The following BCAS3 variants were observed in gnomAD, a reference collection of about 807,000 sequenced individuals.
BCAS3 encodes BCAS4/BCAS3 fusion.
Under a neutral mutation model 116.1 loss-of-function variants are expected in BCAS3, and 53 were observed. The ratio of observed to expected loss-of-function variants is 0.46; its 90% CI spans 0.37 to 0.57. The LOEUF (loss-of-function observed/expected upper bound fraction) is 0.57, where lower values mean the gene tolerates loss of function less well. Among genes scored for constraint, BCAS3 ranks in the 20% least tolerant of loss-of-function variants. The probability of loss-of-function intolerance (pLI) is 0.00; values close to 1 mark genes in which losing one functional copy is unlikely to be tolerated. For synonymous variants in BCAS3, 391 were observed against 408.2 expected (o/e 0.96, Z 0.51); for missense variants, 917 against 1,165.4 (o/e 0.79, Z 3.10).
chr17:60,990,025 C>T lies in BCAS3; in HGVS notation c.1276C>T (p.Arg426Trp), dbSNP rs372103600. Residue 426 changes from arginine (R) to tryptophan (W), a missense_variant, in exon 15 of 24, where the codon CGG becomes TGG. Arg to Trp is a moderately radical substitution (Grantham distance 101). This residue lies in a region of BCAS3 where 807 missense variants were observed against 1,026.0 expected (regional missense o/e 0.79). Transcript: ENST00000407086. This position sits in a 1 kb window ranked among gnomAD's most constrained non-coding sequence, Gnocchi z 5.1. ...TCGCTGGGTTGTGGTCAGTACTCTC[C>T]GGGGTACTTCCCACGTTTTCCCCAT... Reference protein sequence around the residue: ...DCRWVVVSTLRGTSHVFPINP... With the variant: ...DCRWVVVSTLWGTSHVFPINP... The T allele has an allele frequency of 6.8e-6, 11 of 1,614,004 alleles. No individual in the cohort carries two copies. Among genetic ancestry groups the T allele is most frequent in the Non-Finnish European group, 8.5e-6 (10 of 1,179,984 alleles).
intron 22 of BCAS3, among the ~76,000 whole-genome samples, chr17:61,092,856 T>G (rs956799341): frequency 2.0e-5 from 3 of 151,956 alleles, no homozygotes. Flanking sequence ...TCATTGTTTT[T>G]TCCTTTTATG....
In BCAS3 at chr17:61,285,592, T is replaced by A. The variant is rs1217862600; in HGVS notation, c.2426-82735T>A. 6.6e-6 allele frequency among the ~76,000 whole-genome samples: 1 copy of A among 152,244 alleles called. No individual in the cohort carries two copies. The highest frequency in any genetic ancestry group is 6.5e-5 in the Admixed American group (1 of 15,284). ...TGAGCTGTGCTAGGCATAATTGAGA[T>A]GCATGGACTTTGTGTAAATAATGTA... On this transcript the variant is annotated intron_variant, in intron 22 of 23. Transcript: ENST00000407086. The surrounding 1 kb of genome is among the most constrained non-coding windows in gnomAD (Gnocchi z 5.4).
In BCAS3 at chr17:60,759,212, C is replaced by T. The variant is rs538233586; in HGVS notation, c.403+11933C>T. Among the ~76,000 whole-genome samples the T allele has an allele frequency of 9.9e-5, 15 of 152,232 alleles. No individual in the cohort carries two copies. In the East Asian group the frequency reaches 1.9e-3, roughly 20 times the overall value. On this transcript the variant is annotated intron_variant, in intron 6 of 23. Transcript: ENST00000407086. The stretch of plus-strand genomic sequence containing the variant: ...TGGAAGATTTCAGTTTCTAAAAATT[C>T]GTTGAAACTTATTTAATGGCCTTAT...
rs767840634 is a variant in BCAS3, at chr17:61,285,266, T to C, written c.2426-83061T>C. ...GTGTGTGTGTGTGTGTGTTTCTTGC[T>C]AAAATGCAGCAAAGGAAGGGGAAAC... On this transcript the variant is annotated intron_variant, in intron 22 of 23. Transcript: ENST00000407086. The surrounding 1 kb of genome is among the most constrained non-coding windows in gnomAD (Gnocchi z 5.4). Among the ~76,000 whole-genome samples, 22 of 152,090 alleles carry C rather than the reference T, an allele frequency of 1.4e-4. No individual in the cohort carries two copies. The highest frequency in any genetic ancestry group is 2.8e-4 in the Non-Finnish European group (19 of 68,024).
intron 15 of BCAS3, among the ~76,000 whole-genome samples, chr17:61,001,054 C>T (rs1361600905): frequency 6.6e-6 from 1 of 152,142 alleles, no homozygotes; most frequent in Non-Finnish European, 1.5e-5. Flanking sequence ...GGATTCACTT[C>T]TGCAGTTCTC....
intron 22 of BCAS3, among the ~76,000 whole-genome samples, chr17:61,135,140 A>G (rs1346144277): frequency 2.0e-5 from 3 of 152,216 alleles, no homozygotes; most frequent in African/African-American, 7.2e-5. Context: ...TGATAAGGCC[A>G]TTAGTATTAT....
At chr17:61,271,416 A>C in intron 22 of BCAS3, among the ~76,000 whole-genome samples, 1 of 22,068 alleles carries the variant, frequency 4.5e-5, no homozygotes, top group African/African-American at 1.2e-4. Flanking sequence ...GTAAGCCACC[A>C]TGCCCGGATT....
rs371306084 is a variant in BCAS3, at chr17:61,340,621, G to A, written c.2426-27706G>A. ...TGTGCTTTCCTCCCTGCTGTGAGTCGCTGCGGGGGACGGGGAGTGGGTAGA... is the reference window on the plus strand; with the variant it reads ...TGTGCTTTCCTCCCTGCTGTGAGTCACTGCGGGGGACGGGGAGTGGGTAGA... On this transcript the variant is annotated intron_variant, in intron 22 of 23. Transcript: ENST00000407086. 2.2e-4 allele frequency among the ~76,000 whole-genome samples: 33 copies of A among 152,266 alleles called. 1 individual carries two copies. The highest frequency in any genetic ancestry group is 6.3e-4 in the African/African-American group (26 of 41,546).
At chr17:60,975,948 T>C (rs2062317728) in intron 14 of BCAS3, among the ~76,000 whole-genome samples, 1 of 151,728 alleles carries the variant, frequency 6.6e-6, no homozygotes, top group African/African-American at 2.4e-5. Context: ...ATTTATCAAT[T>C]GATAGACATT....
intron 22 of BCAS3, among the ~76,000 whole-genome samples, chr17:61,351,303 A>T (rs150527619): frequency 8.7e-4 from 132 of 152,214 alleles, no homozygotes; most frequent in Non-Finnish European, 9.6e-4. Flanking sequence ...ATCCTGAACT[A>T]TTTTTTCCCT....
intron 2 of BCAS3, among the ~76,000 whole-genome samples, chr17:60,682,905 CTTACTTAA>C (rs1226058015): frequency 6.6e-6 from 1 of 152,018 alleles, no homozygotes; most frequent in Non-Finnish European, 1.5e-5. Context: ...ATTTAGTGTC[CTTACTTAA>C]TTAACAGTGT....
At chr17:61,179,667 G>C (rs1218877310) in intron 22 of BCAS3, among the ~76,000 whole-genome samples, 1 of 152,086 alleles carries the variant, frequency 6.6e-6, no homozygotes, top group Non-Finnish European at 1.5e-5. Context: ...AGCACTGCAG[G>C]GGCTTTATGG....
At chr17:61,018,323 A>T in intron 16 of BCAS3, among the ~76,000 whole-genome samples, 1 of 92,242 alleles carries the variant, frequency 1.1e-5, no homozygotes, top group Non-Finnish European at 2.0e-5. Flanking sequence ...TTTTTTTGAG[A>T]CGTAGTCTTG....
intron 5 of BCAS3, among the ~76,000 whole-genome samples, chr17:60,722,394 C>G (rs2039332356): frequency 6.6e-6 from 1 of 152,168 alleles, no homozygotes. Context: ...CTCAGCAGCA[C>G]TTGGTATTGT....
Position 61,081,551 on chromosome 17 carries a change from T to C in BCAS3, c.2328-2916T>C, listed in dbSNP as rs544671182. On this transcript the variant is annotated intron_variant, in intron 21 of 23. Transcript: ENST00000407086. ...CTGTTTACAGGACACATATAACCTT[T>C]AGAAACCTTTATACTGAGCAGCAGG... Among the ~76,000 whole-genome samples the C allele has an allele frequency of 4.6e-5, 7 of 152,368 alleles. No homozygotes were observed. The East Asian group carries it at 1.3e-3, about 29-fold the overall frequency.
At chr17:60,986,795 T>C (rs570029933) in intron 14 of BCAS3, 2 of 152,298 alleles carry the variant, frequency 1.3e-5, no homozygotes, top group South Asian at 4.1e-4. Context: ...TATCACTTTG[T>C]CGATTGTTTC....
chr17:60,983,416 G>GAT (rs1954159843), intron 14 of BCAS3, among the ~76,000 whole-genome samples: 1 of 151,866 alleles, frequency 6.6e-6, no homozygotes, highest in Admixed American at 6.6e-5. Context: ...ACATCTTGTG[G>GAT]ATAGGCAACT....
chr17:60,947,632 G>C (rs1185925108), intron 14 of BCAS3, among the ~76,000 whole-genome samples: 2 of 152,070 alleles, frequency 1.3e-5, no homozygotes, highest in Admixed American at 1.3e-4. Flanking sequence ...TCTTGCCCCA[G>C]GGAAAACTCC....
intron 22 of BCAS3, among the ~76,000 whole-genome samples, chr17:61,272,276 GA>G (rs1375092020): frequency 1.3e-5 from 2 of 152,128 alleles, no homozygotes; most frequent in African/African-American, 4.8e-5. Context: ...GGTGCTTAAT[GA>G]AAAATACTAG....
Sources: allele counts gnomAD v4.1 joint callset (sites outside exome capture counted in the v4.1 genomes callset), GRCh38; gene constraint gnomAD v4.1.1; regional missense constraint gnomAD v4.1.1; non-coding constraint Gnocchi (gnomAD v3.1); transcripts MANE v1.5; gene names NCBI Gene and HGNC (gene_info 2026-07-23, HGNC 2026-07-21).